The following TRPC1 variants were observed in gnomAD, a reference collection of about 807,000 sequenced individuals.
The protein encoded by TRPC1 is short transient receptor potential channel 1.
A neutral mutation model predicts 88.2 loss-of-function variants in TRPC1; 42 were observed. The observed-to-expected ratio is 0.48, with a 90% confidence interval of 0.37 to 0.62. TRPC1 has a LOEUF of 0.62. TRPC1 is among the 20% of genes least tolerant of loss of function. The pLI is 0.00. For missense variants in TRPC1, 699 were observed against 957.3 expected, an observed-to-expected ratio of 0.73 and a Z score of 3.56; for synonymous variants, 288 against 331.8, an observed-to-expected ratio of 0.87 and a Z score of 1.43.
At chr3:142,734,071 A>C (rs2108016330) in intron 1 of TRPC1, among the ~76,000 whole-genome samples, 1 of 152,334 alleles carries the variant, frequency 6.6e-6, no homozygotes, top group Non-Finnish European at 1.5e-5. Flanking sequence ...AAACCAATCT[A>C]CCAGCACATG....
intron 6 of TRPC1, among the ~76,000 whole-genome samples, chr3:142,781,419 G>A (rs2108118844): frequency 6.6e-6 from 1 of 152,100 alleles, no homozygotes; most frequent in South Asian, 2.1e-4. Flanking sequence ...TCTGTCACAG[G>A]TTGGTTTTCA....
intron 1 of TRPC1, among the ~76,000 whole-genome samples, chr3:142,729,102 C>T (rs763646481): frequency 2.6e-5 from 4 of 152,152 alleles, no homozygotes; most frequent in Non-Finnish European, 4.4e-5. Context: ...AAAACATTGC[C>T]ATGGCGAACG....
chr3:142,748,262 T>G lies in TRPC1; in HGVS notation c.434T>G (p.Leu145Arg), dbSNP rs776572650. 7 of 1,612,292 alleles carry G rather than the reference T, an allele frequency of 4.3e-6. No individual in the cohort carries two copies. The highest frequency in any genetic ancestry group is 5.9e-6 in the Non-Finnish European group (7 of 1,178,612). ...ATTTATATAAATATTTTTCAGAAAC[T>G]AATGGAACGAATTCAGAATCCTGAG... is the stretch of plus-strand genomic sequence containing the variant. ...KRSSRPTIVK[L>R]MERIQNPEYS... Residue 145 changes from leucine to arginine, a missense_variant, in exon 4 of 13, where the codon CTA becomes CGA. Physicochemically the swap from Leu to Arg is moderately radical, Grantham distance 102. Around this residue, in one of 4 missense-constraint regions of TRPC1, gnomAD observed 426 missense variants for 641.3 expected, o/e 0.66. Transcript: ENST00000476941.
intron 1 of TRPC1, among the ~76,000 whole-genome samples, chr3:142,734,752 A>G (rs1436092561): frequency 6.6e-6 from 1 of 152,148 alleles, no homozygotes; most frequent in Non-Finnish European, 1.5e-5. Context: ...AGCCTGGGCA[A>G]CATAGCGAGA....
chr3:142,731,572 G>T (rs6440106), intron 1 of TRPC1, among the ~76,000 whole-genome samples: 67,904 of 150,946 alleles, frequency 0.45, 16,057 homozygotes, highest in African/African-American at 0.6. Context: ...TTTTAGTAGA[G>T]GCGGGGTTTC....
chr3:142,781,458 T>C (rs925455279), intron 6 of TRPC1, among the ~76,000 whole-genome samples: 1 of 152,118 alleles, frequency 6.6e-6, no homozygotes, highest in Admixed American at 6.5e-5. Flanking sequence ...GCCCCTTCTA[T>C]AGTAATAGTG....
At chr3:142,779,597 T>TAAAGAATGATG (rs1312878855) in intron 5 of TRPC1, among the ~76,000 whole-genome samples, 1 of 152,174 alleles carries the variant, frequency 6.6e-6, no homozygotes, top group African/African-American at 2.4e-5. Flanking sequence ...ATAGAATGTA[T>TAAAGAATGATG]AAAGAATGAT....
In TRPC1 at chr3:142,724,603, C is replaced by A. The variant is rs751360521; in HGVS notation, c.44C>A (p.Ser15Tyr). 63 of 1,606,586 alleles carry A rather than the reference C, an allele frequency of 3.9e-5. No homozygotes were observed. Among genetic ancestry groups the A allele is most frequent in the Middle Eastern group, 2.0e-4 (1 of 4,944 alleles). Residue 15 changes from serine (S) to tyrosine (Y), a missense_variant, in exon 1 of 13, where the codon TCC (serine) becomes TAC (tyrosine). Transcript: ENST00000476941. This position sits in a 1 kb window ranked among gnomAD's most constrained non-coding sequence, Gnocchi z 5.6. ...LYPSTDLSGA[S>Y]SSSLPSSPSS... ...CCGAGCACGGACCTCTCGGGCGCCT[C>A]CTCCTCCTCCCTGCCTTCCTCTCCA...
chr3:142,802,382 C>A, intron 10 of TRPC1, 38 bp downstream of exon 10: 2 of 1,105,052 alleles, frequency 1.8e-6, no homozygotes, highest in Non-Finnish European at 2.3e-6. Flanking sequence ...ATATATTTGT[C>A]TTTTTTTTTT....
intron 4 of TRPC1, 103 bp downstream of exon 4, chr3:142,748,563 C>A: frequency 2.4e-6 from 3 of 1,258,096 alleles, no homozygotes; most frequent in East Asian, 2.4e-5. Flanking sequence ...AAATGTGATG[C>A]TGGGGTGACT....
At chr3:142,796,013 G>A (rs1292193049) in intron 9 of TRPC1, among the ~76,000 whole-genome samples, 1 of 151,866 alleles carries the variant, frequency 6.6e-6, no homozygotes, top group African/African-American at 2.4e-5. Flanking sequence ...ACATTTATTG[G>A]GCCCTTACTA....
chr3:142,793,375 G>T (rs936433130), intron 9 of TRPC1, among the ~76,000 whole-genome samples: 7 of 151,980 alleles, frequency 4.6e-5, no homozygotes, highest in African/African-American at 1.7e-4. Context: ...GATGATTTTT[G>T]AATAAGCTGG....
At chr3:142,778,405 A>G (rs747730395) in intron 5 of TRPC1, among the ~76,000 whole-genome samples, 13 of 151,820 alleles carry the variant, frequency 8.6e-5, no homozygotes, top group Non-Finnish European at 1.8e-4. Flanking sequence ...ATTTTCCTTT[A>G]GGGGGGTAAG....
intron 4 of TRPC1, among the ~76,000 whole-genome samples, chr3:142,749,960 G>A (rs144399637): frequency 0.022 from 3,408 of 152,124 alleles, 130 homozygotes; most frequent in African/African-American, 0.077. Flanking sequence ...ACTTAAAACC[G>A]TGAAAACCCT....
At chr3:142,738,422 TTAAG>T (rs1390018608) in intron 2 of TRPC1, among the ~76,000 whole-genome samples, 1 of 151,378 alleles carries the variant, frequency 6.6e-6, no homozygotes, top group Non-Finnish European at 1.5e-5. Context: ...TACAAGTAAA[TTAAG>T]TAATACAAAG....
At chr3:142,730,518 T>C (rs944761449) in intron 1 of TRPC1, among the ~76,000 whole-genome samples, 1 of 152,086 alleles carries the variant, frequency 6.6e-6, no homozygotes, top group Admixed American at 6.5e-5. Flanking sequence ...ATAATATGGT[T>C]ATAAATACAT....
At chr3:142,804,740 C>G in intron 12 of TRPC1, 110 bp downstream of exon 12, 1 of 889,278 alleles carries the variant, frequency 1.1e-6, no homozygotes, top group Non-Finnish European at 1.7e-6. Context: ...GACTGTCTGA[C>G]TTTTTTTCAC....
chr3:142,764,357 T>C (rs60752859), intron 4 of TRPC1, among the ~76,000 whole-genome samples: 46,860 of 151,906 alleles, frequency 0.31, 9,143 homozygotes, highest in African/African-American at 0.57. Context: ...ATGGTTTTTA[T>C]ACCTTGAACA....
intron 6 of TRPC1, 41 bp downstream of exon 6, chr3:142,781,070 C>T (rs1313896520): frequency 2.6e-6 from 4 of 1,521,438 alleles, no homozygotes; most frequent in Non-Finnish European, 3.5e-6. Flanking sequence ...ATTTTCTCTA[C>T]AGTAGTCTAG....
Sources: gnomAD v4.1 joint callset for allele counts (sites outside exome capture counted in the v4.1 genomes callset) on GRCh38, gnomAD v4.1.1 for gene constraint, gnomAD v4.1.1 regional missense constraint, Gnocchi (gnomAD v3.1) non-coding constraint, MANE v1.5 for transcripts, NCBI Gene and HGNC (gene_info 2026-07-23, HGNC 2026-07-21) for gene names.